The following USF3 variants were observed in gnomAD, a reference collection of about 807,000 sequenced individuals.
USF3 encodes the protein upstream transcription factor family member 3.
USF3 carries 29 observed loss-of-function variants against 157.5 expected under a neutral mutation model. The ratio of observed to expected loss-of-function variants is 0.18; its 90% CI spans 0.14 to 0.25. USF3 has a LOEUF of 0.25. Ranked by LOEUF, USF3 falls within the 10% of genes least tolerant of loss-of-function variation. The probability of loss-of-function intolerance (pLI) is 1.00; values close to 1 mark genes in which losing one functional copy is unlikely to be tolerated. For synonymous variants in USF3, 893 were observed against 941.4 expected, an observed-to-expected ratio of 0.95 and a Z score of 0.94; for missense variants, 2,381 against 2,667.6, an observed-to-expected ratio of 0.89 and a Z score of 2.37.
intron 1 of USF3, among the ~76,000 whole-genome samples, chr3:113,681,186 C>T (rs1437648532): frequency 6.6e-6 from 1 of 152,012 alleles, no homozygotes; most frequent in African/African-American, 2.4e-5. Flanking sequence ...ACCATGTTGG[C>T]CAGGCTGGTC....
rs1179177061 is a variant in USF3 at position 113,657,507 on chromosome 3, G to A, written c.4175C>T (p.Pro1392Leu). The change falls in exon 7 of 7, where the codon CCA becomes CTA. Residue 1392 changes from proline (P) to leucine (L), a missense_variant. By Grantham distance (98) the Pro-to-Leu change is moderately conservative. Coordinates refer to ENST00000316407, the MANE Select transcript of USF3 (RefSeq NM_001009899.4). ...TCGTGTAAGGCCATCTCCATGAGCT[G>A]GGTTGCTAACAGGCACAACTGAGTT... ...SSNSVVPVSN[P>L]AHGDGLTRLF... 3.1e-6 allele frequency: 5 copies of A among 1,614,110 alleles called. No individual in the cohort carries two copies. The highest frequency in any genetic ancestry group is 1.1e-5 in the South Asian group (1 of 91,074).
intron 5 of USF3, among the ~76,000 whole-genome samples, chr3:113,667,979 A>G (rs1279655840): frequency 6.6e-6 from 1 of 152,216 alleles, no homozygotes; most frequent in Non-Finnish European, 1.5e-5. Context: ...GAGATAACAT[A>G]GAGAAGCAAG....
chr3:113,671,862 AG>A (rs1397930958), intron 4 of USF3, among the ~76,000 whole-genome samples: 1 of 140,996 alleles, frequency 7.1e-6, no homozygotes, highest in Non-Finnish European at 1.5e-5. Flanking sequence ...TTGACTTCCC[AG>A]GCTCAAGCAA....
At chr3:113,673,756 G>A (rs1454941745) in intron 3 of USF3, among the ~76,000 whole-genome samples, 1 of 152,202 alleles carries the variant, frequency 6.6e-6, no homozygotes, top group African/African-American at 2.4e-5. Context: ...CCTGGCACCT[G>A]GACCAGTACG....
chr3:113,674,014 A>G (rs1025020224), intron 3 of USF3, among the ~76,000 whole-genome samples: 1 of 152,242 alleles, frequency 6.6e-6, no homozygotes, highest in Non-Finnish European at 1.5e-5. Flanking sequence ...GTAAGGAAAG[A>G]GAATCATGAT....
At position 113,659,927 on chromosome 3, in the gene USF3, A is replaced by C. The variant is rs1947449840; in HGVS notation, c.1755T>G (p.Ala585=). ...TVGQQIVIIQ[A]ANQNPLPLLP... is the part of the protein sequence containing the mutation. The stretch of plus-strand genomic sequence containing the variant: ...GGAGTGGCAAAGGATTCTGATTAGC[A>C]GCCTGTATGATTACTATCTGTTGAC... The change falls in exon 7 of 7, where the codon GCT becomes GCG. Residue 585 remains alanine (A), a synonymous_variant. Transcript: ENST00000316407. 2 of 1,614,102 alleles carry C rather than the reference A, an allele frequency of 1.2e-6. No individual in the cohort carries two copies. Among genetic ancestry groups the C allele is most frequent in the South Asian group, 2.2e-5 (2 of 91,086 alleles).
rs537024721 is a variant in USF3, at chr3:113,655,831, A to G, written c.5851T>C (p.Leu1951=). The change falls in exon 7 of 7, where the codon TTG becomes CTG. Residue 1951 remains leucine (L), a synonymous_variant. Transcript: ENST00000316407. ...CCATGAGACACAGATGGATGTGGCA[A>G]CGCTGGCCTTGCAACCCCATGCATG... ...TNMHGVARPA[L]PHPSVSHGNG... The G allele has an allele frequency of 1.9e-6, 3 of 1,614,220 alleles. No individual in the cohort carries two copies. The African/African-American group carries it at 4.0e-5, about 22-fold the overall frequency.
Position 113,682,546 on chromosome 3 carries a change from G to T in USF3, c.-134-5149C>A, listed in dbSNP as rs74982117. ...TTTCTGTCTGAATAATCTGTCCAAT[G>T]CTGAAAGTGAAGTGTTGAAGTCTCC... On this transcript the variant is annotated intron_variant, in intron 1 of 6. Coordinates refer to ENST00000316407, the MANE Select transcript of USF3 (RefSeq NM_001009899.4). Among the ~76,000 whole-genome samples the T allele has an allele frequency of 8.3e-3, 1,257 of 152,252 alleles. 10 individuals carry two copies. Among genetic ancestry groups the T allele is most frequent in the South Asian group, 0.015 (74 of 4,820 alleles).
chr3:113,649,957 A>G lies in USF3; in HGVS notation c.*4987T>C. 1 of 669,586 alleles carries G rather than the reference A, an allele frequency of 1.5e-6. No homozygotes were observed. The highest frequency in any genetic ancestry group is 2.7e-6 in the Non-Finnish European group (1 of 371,786). 41.5% of individuals were successfully genotyped at this position (669,586 alleles called of 1,614,324 possible). A position where few individuals can be genotyped will look rare whatever the true frequency, so the allele number is the denominator to read the frequency against. ...AATGGTAATGTTCAGCCAAAAAGGC[A>G]TCTTGAGAAGAAACTAACTTCTGCC... On this transcript the variant is annotated 3_prime_UTR_variant, in exon 7 of 7. Coordinates refer to ENST00000316407, the MANE Select transcript of USF3 (RefSeq NM_001009899.4).
chr3:113,666,568 CTTTTTTTTTT>C (rs775533373), intron 5 of USF3, among the ~76,000 whole-genome samples: 1 of 109,108 alleles, frequency 9.2e-6, no homozygotes, highest in Non-Finnish European at 1.9e-5. Context: ...TTATTGTTTC[CTTTTTTTTTT>C]TTTTTTTTTT....
At position 113,661,067 on chromosome 3, in the gene USF3, T is replaced by C. The variant is rs1244905504; in HGVS notation, c.615A>G (p.Glu205=). The stretch of plus-strand genomic sequence containing the variant: ...CTGTGGTCTGATGCCATGGCTTGTT[T>C]TCAGAAGGGTAAACTCCAGAAATAG... ...PVSISGVYPS[E]NKPWHQTTVP... is the part of the protein sequence containing the mutation. Residue 205 remains glutamate (E), a synonymous_variant, in exon 7 of 7, where the codon GAA becomes GAG. Transcript: ENST00000316407. 2 of 1,614,174 alleles carry C rather than the reference T, an allele frequency of 1.2e-6. No homozygotes were observed. The highest frequency in any genetic ancestry group is 1.7e-6 in the Non-Finnish European group (2 of 1,180,032).
chr3:113,652,151 GAGAGAC>G lies in USF3; in HGVS notation c.*2787_*2792del, dbSNP rs1337039591. On this transcript the variant is annotated 3_prime_UTR_variant, in exon 7 of 7. Transcript: ENST00000316407. Reference sequence around the variant, plus strand: ...TGTGTGTGTGTGTGTATATGTGTATGAGAGACAGAGACAGAGGCAGTGAGAGACAGA... The same window carrying G: ...TGTGTGTGTGTGTGTATATGTGTATGAGAGACAGAGGCAGTGAGAGACAGA... 3.9e-5 allele frequency: 6 copies of G among 151,902 alleles called. No individual in the cohort carries two copies. Among genetic ancestry groups the G allele is most frequent in the Admixed American group, 2.0e-4 (3 of 15,220 alleles). 9.4% of individuals were successfully genotyped at this position (151,902 alleles called of 1,614,324 possible). A position where few individuals can be genotyped will look rare whatever the true frequency, so the allele number is the denominator to read the frequency against.
chr3:113,659,345 G>C lies in USF3; in HGVS notation c.2337C>G (p.Ser779=). ...LASTYNLVST[S]SMNTVACLPN... ...GCAAACAAGCAACAGTGTTCATTGA[G>C]GAAGTACTCACTAGATTATAAGTAC... The change falls in exon 7 of 7, where the codon TCC becomes TCG. Residue 779 remains serine (S), a synonymous_variant. Coordinates refer to ENST00000316407, the MANE Select transcript of USF3 (RefSeq NM_001009899.4). 1 of 1,614,212 alleles carries C rather than the reference G, an allele frequency of 6.2e-7. No homozygotes were observed. The highest frequency in any genetic ancestry group is 8.5e-7 in the Non-Finnish European group (1 of 1,180,034).
intron 1 of USF3, among the ~76,000 whole-genome samples, chr3:113,686,381 G>A (rs1707546133): frequency 6.6e-6 from 1 of 152,236 alleles, no homozygotes; most frequent in Non-Finnish European, 1.5e-5. Flanking sequence ...GGCAATTCAA[G>A]GCTGTCTTTC....
Position 113,683,296 on chromosome 3 carries a change from A to C in USF3, c.-134-5899T>G, listed in dbSNP as rs1477238451. 1.4e-4 allele frequency among the ~76,000 whole-genome samples: 21 copies of C among 151,544 alleles called. No homozygotes were observed. In the East Asian group the frequency reaches 3.1e-3, roughly 22 times the overall value. On this transcript the variant is annotated intron_variant, in intron 1 of 6. Coordinates refer to ENST00000316407, the MANE Select transcript of USF3 (RefSeq NM_001009899.4). ...ATCTAGTTTTTAATCTATAAAAACTATTATCTAGTTTTTAATCTATAAAAA... is the reference window on the plus strand; with the variant it reads ...ATCTAGTTTTTAATCTATAAAAACTCTTATCTAGTTTTTAATCTATAAAAA...
At chr3:113,661,946 A>G (rs1196433771) in intron 6 of USF3, among the ~76,000 whole-genome samples, 2 of 152,182 alleles carry the variant, frequency 1.3e-5, no homozygotes, top group Non-Finnish European at 2.9e-5. Context: ...TCCCAGGTTC[A>G]AGCAATTGTC....
Position 113,655,930 on chromosome 3 carries a change from G to C in USF3, c.5752C>G (p.Gln1918Glu). The C allele has an allele frequency of 6.2e-7, 1 of 1,614,150 alleles. No individual in the cohort carries two copies. The highest frequency in any genetic ancestry group is 8.5e-7 in the Non-Finnish European group (1 of 1,180,028). Residue 1918 changes from glutamine (Q) to glutamate (E), a missense_variant, in exon 7 of 7, where the codon CAG becomes GAG. Physicochemically the swap from Gln to Glu is conservative, Grantham distance 29 (BLOSUM62 2). Transcript: ENST00000316407. ...GTAATCCTCATGGGATTGGATTTCT[G>C]TACAGAAACATTGGGGCTTGTGTTT... ...GRNTSPNVSV[Q>E]KSNPMRITES...
rs1161399640 is a variant in USF3 at position 113,657,199 on chromosome 3, C to T, written c.4483G>A (p.Val1495Ile). 1.2e-6 allele frequency: 2 copies of T among 1,614,142 alleles called. No homozygotes were observed. The highest frequency in any genetic ancestry group is 2.2e-5 in the South Asian group (2 of 91,078). Residue 1495 changes from valine to isoleucine, a missense_variant, in exon 7 of 7, where the codon GTA (valine) becomes ATA (isoleucine). Val to Ile is a conservative substitution (Grantham distance 29). Transcript: ENST00000316407. Reference protein sequence around the residue: ...RHHLYQMQHHVPHAESSVHSQ... With the variant: ...RHHLYQMQHHIPHAESSVHSQ... ...TGGACAGAGCTCTCTGCATGAGGTA[C>T]ATGATGCTGCATTTGATATAAGTGA...
At chr3:113,677,990 C>G (rs1399837717) in intron 1 of USF3, among the ~76,000 whole-genome samples, 1 of 142,616 alleles carries the variant, frequency 7.0e-6, no homozygotes, top group Non-Finnish European at 1.5e-5. Context: ...CTTCTCCCCT[C>G]CCCTCCCCTC....
Sources: allele counts gnomAD v4.1 joint callset (sites outside exome capture counted in the v4.1 genomes callset), GRCh38; gene constraint gnomAD v4.1.1; transcripts MANE v1.5; gene names NCBI Gene and HGNC (gene_info 2026-07-23, HGNC 2026-07-21).